The following RIBC2 variants were observed in gnomAD, a reference collection of about 807,000 sequenced individuals.
RIBC2 encodes RIB43A domain with coiled-coils 2, also known as RIB43A-like with coiled-coils protein 2.
In RIBC2, 40 loss-of-function variants were observed where a neutral mutation model predicts 44.3. The observed-to-expected ratio is 0.90, with a 90% CI of 0.70 to 1.18. The LOEUF is 1.18. RIBC2 is among the 50% of genes most tolerant of loss of function. The pLI, the probability that RIBC2 is intolerant of heterozygous loss-of-function variation, is 0.00. For synonymous variants in RIBC2, 171 were observed against 175.0 expected (o/e 0.98, Z 0.18); for missense variants, 459 against 485.5 (o/e 0.95, Z 0.51).
At chr22:45,423,316 C>T (rs997679514) in intron 4 of RIBC2, among the ~76,000 whole-genome samples, 2 of 151,896 alleles carry the variant, frequency 1.3e-5, no homozygotes, top group Non-Finnish European at 2.9e-5. Flanking sequence ...CCTCTCCCTC[C>T]CCCCACAAGG....
At chr22:45,424,805 G>A (rs184500434) in intron 4 of RIBC2, among the ~76,000 whole-genome samples, 11 of 146,964 alleles carry the variant, frequency 7.5e-5, no homozygotes, top group African/African-American at 2.5e-4. Flanking sequence ...CCAGCCTGGA[G>A]TGTGTAGTGG....
chr22:45,417,657 G>GA lies in RIBC2; in HGVS notation c.268dup (p.Arg90LysfsTer3). The GA allele has an allele frequency of 1.9e-6, 3 of 1,614,142 alleles. No homozygotes were observed. The highest frequency in any genetic ancestry group is 2.5e-6 in the Non-Finnish European group (3 of 1,180,018). ...TGTGCATATTGGAAAACCGGAAAAA[G>GA]AGGGATAGGAAAAATCTCTGTAGGG... On this transcript the variant is annotated frameshift_variant, in exon 3 of 7. Coordinates refer to ENST00000614167, the MANE Select transcript of RIBC2 (RefSeq NM_015653.5). LOFTEE classifies it high-confidence loss of function.
At chr22:45,421,580 TTAATAA>T (rs200207263) in intron 3 of RIBC2, among the ~76,000 whole-genome samples, 350 of 27,742 alleles carry the variant, frequency 0.013, 5 homozygotes, top group Middle Eastern at 0.024. Flanking sequence ...AATAGTATTA[TTAATAA>T]TAATAATAGT....
At chr22:45,424,757 T>C (rs1432727971) in intron 4 of RIBC2, among the ~76,000 whole-genome samples, 1 of 148,556 alleles carries the variant, frequency 6.7e-6, no homozygotes, top group African/African-American at 2.5e-5. Context: ...TTTTTTCTTT[T>C]TTTTTTTTTT....
rs2087532207 is a variant in RIBC2, at chr22:45,426,109, G to A, written c.837G>A (p.Lys279=). Residue 279 remains lysine, a synonymous_variant, in exon 5 of 7, where the codon AAG becomes AAA. Coordinates refer to ENST00000614167, the MANE Select transcript of RIBC2 (RefSeq NM_015653.5). ...GPHRVVPDRW[K]GMTQEQLEQI... ...ACCGCGTGGTCCCTGACCGCTGGAA[G>A]GGCATGACCCAGGAGCAGCTGGAGC... The A allele has an allele frequency of 1.2e-6, 2 of 1,614,008 alleles. No individual in the cohort carries two copies. The highest frequency in any genetic ancestry group is 8.5e-7 in the Non-Finnish European group (1 of 1,180,026).
At chr22:45,431,097 G>GGGGACCGGGTGGA (rs1206615026) in intron 6 of RIBC2, 31 bp downstream of exon 6, 2 of 1,556,788 alleles carry the variant, frequency 1.3e-6, no homozygotes, top group Non-Finnish European at 1.7e-6. Context: ...GGGCCAGGTG[G>GGGGACCGGGTGGA]GGGACCGGGT....
intron 2 of RIBC2, 40 bp downstream of exon 2, chr22:45,414,443 GT>G (rs2087398290): frequency 7.0e-7 from 1 of 1,431,132 alleles, no homozygotes; most frequent in Non-Finnish European, 9.5e-7. Context: ...GTTTAGGATT[GT>G]GTGGCTTTAG....
rs1250017158 is a variant in RIBC2, at chr22:45,424,016, G to GTGGC, written c.675+1610_675+1613dup. Among the ~76,000 whole-genome samples, 12 of 152,226 alleles carry GTGGC rather than the reference G, an allele frequency of 7.9e-5. No homozygotes were observed. The East Asian group carries it at 2.3e-3, about 30-fold the overall frequency. On this transcript the variant is annotated intron_variant, in intron 4 of 6. Transcript: ENST00000614167. ...TGAGCCCTTCCTGCTGGGCATTGGAGTGGCTTTTGCTAAACCCTATTGTCT... is the reference window on the plus strand; with the variant it reads ...TGAGCCCTTCCTGCTGGGCATTGGAGTGGCTGGCTTTTGCTAAACCCTATTGTCT...
intron 6 of RIBC2, 27 bp from the exon 7 acceptor site, chr22:45,432,257 C>T: frequency 6.1e-6 from 7 of 1,146,500 alleles, no homozygotes; most frequent in Non-Finnish European, 7.4e-6. Flanking sequence ...ATTTGCTGAC[C>T]TTTTTTTTTT....
intron 5 of RIBC2, among the ~76,000 whole-genome samples, chr22:45,428,238 C>T (rs887989574): frequency 2.0e-5 from 3 of 152,164 alleles, no homozygotes; most frequent in Non-Finnish European, 2.9e-5. Flanking sequence ...GGGCTGCCAG[C>T]CTAATGGGCT....
At chr22:45,422,262 G>A (rs2087492863) in intron 3 of RIBC2, 28 bp from the exon 4 acceptor site, 5 of 1,564,292 alleles carry the variant, frequency 3.2e-6, no homozygotes, top group South Asian at 2.2e-5. Flanking sequence ...TGGCCAGGTC[G>A]ATCTGATTGC....
chr22:45,420,998 A>T (rs189141846), intron 3 of RIBC2, among the ~76,000 whole-genome samples: 43 of 152,214 alleles, frequency 2.8e-4, no homozygotes, highest in Non-Finnish European at 4.1e-4. Flanking sequence ...GGAGTTTGAG[A>T]CCAGCCTGGC....
chr22:45,418,656 T>C (rs9754402), intron 3 of RIBC2, among the ~76,000 whole-genome samples: 93,691 of 151,974 alleles, frequency 0.62, 31,180 homozygotes, highest in African/African-American at 0.87. Context: ...TGAGGAGCTA[T>C]GAGGAAGACA....
intron 2 of RIBC2, among the ~76,000 whole-genome samples, chr22:45,414,883 T>A (rs954335081): frequency 3.3e-5 from 5 of 152,308 alleles, no homozygotes; most frequent in Admixed American, 3.3e-4. Context: ...TCACTTGCTC[T>A]GCTCAAAAGT....
At position 45,422,404 on chromosome 22, in the gene RIBC2, G is replaced by A; in HGVS notation, c.671G>A (p.Ser224Asn). ...VCASVKDFNKSQAIESVERKK... is the reference protein window; with the variant it reads ...VCASVKDFNKNQAIESVERKK... ...GCATCTGTGAAAGACTTCAACAAGA[G>A]CCAGGTATAGGTACTCCGCGACCTC... is the stretch of plus-strand genomic sequence containing the variant. The change falls in exon 4 of 7, where the codon AGC becomes AAC. Residue 224 changes from serine to asparagine, a missense_variant. By Grantham distance (46) the Ser-to-Asn change is conservative. Transcript: ENST00000614167. 1.2e-6 allele frequency: 2 copies of A among 1,611,638 alleles called. No individual in the cohort carries two copies. The highest frequency in any genetic ancestry group is 1.1e-5 in the South Asian group (1 of 91,042).
chr22:45,417,750 C>T lies in RIBC2; in HGVS notation c.360C>T (p.Pro120=), dbSNP rs1214297378. 1.2e-6 allele frequency: 2 copies of T among 1,614,106 alleles called. No homozygotes were observed. Among genetic ancestry groups the T allele is most frequent in the Non-Finnish European group, 8.5e-7 (1 of 1,180,034 alleles). The change falls in exon 3 of 7, where the codon CCC becomes CCT. Residue 120 remains proline, a synonymous_variant. Coordinates refer to ENST00000614167, the MANE Select transcript of RIBC2 (RefSeq NM_015653.5). The part of the protein sequence containing the change: ...ETRREFDLSD[P]LALKKDLPAR... ...GCCGTGAATTTGATCTGTCCGACCC[C>T]CTAGCCCTTAAGAAAGATCTTCCAG...
chr22:45,413,756 G>A lies in RIBC2; in HGVS notation c.-131G>A. 1 of 1,345,570 alleles carries A rather than the reference G, an allele frequency of 7.4e-7. No homozygotes were observed. The allele number at this position is 1,345,570 out of a possible 1,614,324, so 83.4% of individuals were successfully genotyped here. On this transcript the variant is annotated 5_prime_UTR_variant, in exon 1 of 7. Transcript: ENST00000614167. Reference sequence around the variant, plus strand: ...TCTGCGGCGTCACTGGGAGCCCGACGGAAAACTGCGCTAAAGGCTTGTCTT... The same window carrying A: ...TCTGCGGCGTCACTGGGAGCCCGACAGAAAACTGCGCTAAAGGCTTGTCTT...
rs528308431 is a variant in RIBC2 at position 45,425,956 on chromosome 22, G to A, written c.684G>A (p.Glu228=). The change falls in exon 5 of 7, where the codon GAG becomes GAA. Residue 228 remains glutamate, a synonymous_variant. Coordinates refer to ENST00000614167, the MANE Select transcript of RIBC2 (RefSeq NM_015653.5). ...VKDFNKSQAI[E]SVERKKQEKK... Reference sequence around the variant, plus strand: ...TGTCTTCACCTGCTTAGGCCATCGAGTCAGTGGAAAGGAAAAAGCAAGAGA... The same window carrying A: ...TGTCTTCACCTGCTTAGGCCATCGAATCAGTGGAAAGGAAAAAGCAAGAGA... The A allele has an allele frequency of 2.7e-5, 44 of 1,613,380 alleles. No individual in the cohort carries two copies. The highest frequency in any genetic ancestry group is 1.9e-4 in the South Asian group (17 of 90,988).
At chr22:45,430,703 G>C (rs545654586) in intron 5 of RIBC2, among the ~76,000 whole-genome samples, 197 bp from the exon 6 acceptor site, 1 of 152,266 alleles carries the variant, frequency 6.6e-6, no homozygotes, top group Admixed American at 6.5e-5. Flanking sequence ...TGACGGGGGA[G>C]GGCAGCTGGG....
Sources: gnomAD v4.1 joint callset for allele counts (sites outside exome capture counted in the v4.1 genomes callset) on GRCh38, gnomAD v4.1.1 for gene constraint, MANE v1.5 for transcripts, NCBI Gene and HGNC (gene_info 2026-07-23, HGNC 2026-07-21) for gene names.